Variants in ARHGAP21 observed in about 807,000 individuals in gnomAD.
The protein encoded by ARHGAP21 is rho GTPase-activating protein 21.
In ARHGAP21, 38 loss-of-function variants were observed where a neutral mutation model predicts 164.6. That is an observed-to-expected ratio of 0.23 (90% CI 0.18 to 0.30). ARHGAP21 has a LOEUF of 0.30. ARHGAP21 is among the 10% of genes least tolerant of loss of function. The probability of loss-of-function intolerance (pLI) is 1.00; values close to 1 mark genes in which losing one functional copy is unlikely to be tolerated. For synonymous variants in ARHGAP21, 766 were observed against 857.9 expected, an observed-to-expected ratio of 0.89 and a Z score of 1.87; for missense variants, 1,822 against 2,370.7, an observed-to-expected ratio of 0.77 and a Z score of 4.81.
At position 24,644,524 on chromosome 10, in the gene ARHGAP21, C is replaced by T. The variant is rs1173897075; in HGVS notation, c.269-9421G>A. The stretch of plus-strand genomic sequence containing the variant: ...TTCTATCTGTCTTCCTCCTCCCTTC[C>T]GTCCACTGCACTGAAACTGTTCTCA... On this transcript the variant is annotated intron_variant, in intron 4 of 25. Coordinates refer to ENST00000396432, the MANE Select transcript of ARHGAP21 (RefSeq NM_020824.4). Among the ~76,000 whole-genome samples, 9 of 152,258 alleles carry T rather than the reference C, an allele frequency of 5.9e-5. No homozygotes were observed. The South Asian group carries it at 1.7e-3, about 28-fold the overall frequency.
chr10:24,600,943 C>A lies in ARHGAP21; in HGVS notation c.2848-13G>T, dbSNP rs771534727. 1.2e-5 allele frequency: 20 copies of A among 1,606,082 alleles called. No homozygotes were observed. The highest frequency in any genetic ancestry group is 2.7e-5 in the African/African-American group (2 of 74,610). ...TTCCACCAACTCGCTAGAAAACATG[C>A]GACAGTTCTTTAATAGTCAATATTT... On this transcript the variant is annotated splice_polypyrimidine_tract_variant and intron_variant, in intron 13 of 25. Transcript: ENST00000396432.
Position 24,620,167 on chromosome 10 carries a change from T to G in ARHGAP21, c.1728A>C (p.Gly576=), listed in dbSNP as rs765045662. Residue 576 remains glycine (G), a synonymous_variant, in exon 9 of 26, where the codon GGA becomes GGC. Transcript: ENST00000396432. ...NSDNRRMSGR[G]VGSVSQFKKI... ...TTTTAAACTGCGACACAGATCCCAC[T>G]CCTCTACCACTCATTCGCCTGTTAT... is the stretch of plus-strand genomic sequence containing the variant. 9 of 1,613,816 alleles carry G rather than the reference T, an allele frequency of 5.6e-6. No homozygotes were observed. The highest frequency in any genetic ancestry group is 7.6e-6 in the Non-Finnish European group (9 of 1,179,866).
At chr10:24,663,605 T>C (rs915241744) in intron 4 of ARHGAP21, among the ~76,000 whole-genome samples, 6 of 152,222 alleles carry the variant, frequency 3.9e-5, no homozygotes, top group African/African-American at 7.2e-5. Flanking sequence ...CTTGGCTCAC[T>C]GCAACCTCCG....
chr10:24,614,453 A>G (rs2077390942), intron 9 of ARHGAP21, among the ~76,000 whole-genome samples: 2 of 152,190 alleles, frequency 1.3e-5, no homozygotes, highest in Non-Finnish European at 1.5e-5. Context: ...AACTAGGTGA[A>G]AAGGCTCCAA....
At chr10:24,697,681 AC>A in intron 2 of ARHGAP21, among the ~76,000 whole-genome samples, 1 of 151,768 alleles carries the variant, frequency 6.6e-6, no homozygotes, top group Non-Finnish European at 1.5e-5. Flanking sequence ...ACACGGTGAA[AC>A]CCCGTCTCTA....
chr10:24,676,920 C>T lies in ARHGAP21; in HGVS notation c.64-6523G>A, dbSNP rs558379595. ...ATAAACATTTAATAAATATTAACTC[C>T]GGGCCAGGCACAGTGGCTCACACCT... On this transcript the variant is annotated intron_variant, in intron 2 of 25. Coordinates refer to ENST00000396432, the MANE Select transcript of ARHGAP21 (RefSeq NM_020824.4). 3.3e-5 allele frequency among the ~76,000 whole-genome samples: 5 copies of T among 152,150 alleles called. No homozygotes were observed. In the South Asian group the frequency reaches 6.2e-4, roughly 19 times the overall value.
At chr10:24,695,795 T>G (rs1843125049) in intron 2 of ARHGAP21, among the ~76,000 whole-genome samples, 1 of 151,986 alleles carries the variant, frequency 6.6e-6, no homozygotes, top group Non-Finnish European at 1.5e-5. Flanking sequence ...ACTGAGGCCC[T>G]CAATCCAAGC....
At chr10:24,592,288 C>T (rs573886778) in intron 21 of ARHGAP21, among the ~76,000 whole-genome samples, 8 of 150,682 alleles carry the variant, frequency 5.3e-5, no homozygotes, top group South Asian at 4.2e-4. Flanking sequence ...GTCTCGAAAT[C>T]GTGGACTCAA....
intron 14 of ARHGAP21, 106 bp downstream of exon 14, chr10:24,600,539 AG>A: frequency 7.5e-7 from 1 of 1,330,130 alleles, no homozygotes; most frequent in Non-Finnish European, 1.0e-6. Flanking sequence ...ACATGAAAAT[AG>A]CACATTATAA....
chr10:24,620,804 T>A lies in ARHGAP21; in HGVS notation c.1091A>T (p.Gln364Leu). ...AGATACAGAGGGAGCCTCCACAGCT[T>A]GAGATCTGCTGCTTGAGATTCCATC... is the stretch of plus-strand genomic sequence containing the variant. The part of the protein sequence containing the change: ...HSDGISSSRS[Q>L]AVEAPSVSVN... Residue 364 changes from glutamine to leucine, a missense_variant, in exon 9 of 26, where the codon CAA becomes CTA. Around this residue, in one of 5 missense-constraint regions of ARHGAP21, gnomAD observed 1,090 missense variants for 1,378.9 expected, o/e 0.79. Coordinates refer to ENST00000396432, the MANE Select transcript of ARHGAP21 (RefSeq NM_020824.4). 6.2e-7 allele frequency: 1 copy of A among 1,613,588 alleles called. No homozygotes were observed. Among genetic ancestry groups the A allele is most frequent in the Non-Finnish European group, 8.5e-7 (1 of 1,179,530 alleles).
At chr10:24,594,911 C>T in intron 21 of ARHGAP21, 39 bp downstream of exon 21, 1 of 1,495,076 alleles carries the variant, frequency 6.7e-7, no homozygotes, top group Non-Finnish European at 9.2e-7. Context: ...TAAACTAAAG[C>T]CACTAAAAGT....
intron 9 of ARHGAP21, among the ~76,000 whole-genome samples, chr10:24,616,108 C>T (rs1833924072): frequency 6.6e-6 from 1 of 152,006 alleles, no homozygotes; most frequent in Non-Finnish European, 1.5e-5. Context: ...TACCTCACAT[C>T]GTTACTCAAA....
intron 7 of ARHGAP21, chr10:24,628,980 A>C: frequency 7.8e-5 from 1 of 12,858 alleles, no homozygotes; most frequent in Non-Finnish European, 1.1e-4. Context: ...ATATATATAT[A>C]TATTTTTTTT....
In ARHGAP21 at chr10:24,607,590, G is replaced by C. The variant is rs141406000; in HGVS notation, c.2593C>G (p.Pro865Ala). ...TTGGGCTGAGCATCCAGGCTAGGAG[G>C]GCCAACAGATTCTGTAATTAATTAA... ...QLSHDHESVG[P>A]PSLDAQPNSK... is the part of the protein sequence containing the mutation. Residue 865 changes from proline to alanine, a missense_variant, in exon 11 of 26, where the codon CCT becomes GCT. Pro to Ala is a conservative substitution (Grantham distance 27). Coordinates refer to ENST00000396432, the MANE Select transcript of ARHGAP21 (RefSeq NM_020824.4). 1.9e-6 allele frequency: 3 copies of C among 1,613,892 alleles called. No homozygotes were observed. The highest frequency in any genetic ancestry group is 2.2e-5 in the South Asian group (2 of 91,058).
intron 2 of ARHGAP21, among the ~76,000 whole-genome samples, chr10:24,690,052 A>G (rs1193310604): frequency 6.6e-6 from 1 of 151,974 alleles, no homozygotes; most frequent in African/African-American, 2.4e-5. Flanking sequence ...AAGTCTTTCC[A>G]TATCAATTAC....
chr10:24,703,792 A>G (rs368309149), intron 2 of ARHGAP21, among the ~76,000 whole-genome samples: 3 of 152,154 alleles, frequency 2.0e-5, no homozygotes, highest in East Asian at 3.9e-4. Context: ...AAGCTTTCCA[A>G]GGGTATCCGG....
In ARHGAP21 at chr10:24,721,875, G is replaced by A. The variant is rs1204442115; in HGVS notation, c.25C>T (p.Leu9=). The change falls in exon 2 of 26, where the codon CTG becomes TTG. Residue 9 remains leucine (L), a synonymous_variant. Coordinates refer to ENST00000396432, the MANE Select transcript of ARHGAP21 (RefSeq NM_020824.4). ...AGCTTGTCACCATCTCCCTCAGACA[G>A]ACCAGTCCGACGCGTGGCCATCATT... MMATRRTG[L]SEGDGDKLKA... is the part of the protein sequence containing the mutation. 12 of 1,614,116 alleles carry A rather than the reference G, an allele frequency of 7.4e-6. No individual in the cohort carries two copies. The highest frequency in any genetic ancestry group is 5.3e-5 in the African/African-American group (4 of 74,948).
chr10:24,666,922 T>TA, intron 4 of ARHGAP21, 63 bp downstream of exon 4: 1 of 1,211,856 alleles, frequency 8.3e-7, no homozygotes, highest in African/African-American at 1.5e-5. Context: ...TAGTATCACT[T>TA]AAAGAACAGA....
At position 24,588,925 on chromosome 10, in the gene ARHGAP21, C is replaced by T. The variant is rs113413769; in HGVS notation, c.4182+346G>A. ...GGCGTACAGAGCAAACGGAGTCGGC[C>T]GAGTGCTGATAATTACTGGAGATGA... On this transcript the variant is annotated intron_variant, in intron 25 of 25. Coordinates refer to ENST00000396432, the MANE Select transcript of ARHGAP21 (RefSeq NM_020824.4). Among the ~76,000 whole-genome samples the T allele has an allele frequency of 4.0e-3, 613 of 152,150 alleles. 3 individuals carry two copies. Among genetic ancestry groups the T allele is most frequent in the Non-Finnish European group, 6.7e-3 (458 of 68,002 alleles).
Sources: allele counts gnomAD v4.1 joint callset (sites outside exome capture counted in the v4.1 genomes callset), GRCh38; gene constraint gnomAD v4.1.1; regional missense constraint gnomAD v4.1.1; transcripts MANE v1.5; gene names NCBI Gene and HGNC (gene_info 2026-07-23, HGNC 2026-07-21).